CNNM2: variants seen among roughly 807,000 people sequenced by gnomAD.
CNNM2 encodes metal transporter CNNM2.
In CNNM2, 12 loss-of-function variants were observed where a neutral mutation model predicts 66.9. The observed-to-expected ratio is 0.18, with a 90% CI of 0.11 to 0.29. The LOEUF is 0.29. Ranked by LOEUF, CNNM2 falls within the 10% of genes least tolerant of loss-of-function variation. The probability of loss-of-function intolerance (pLI) is 1.00; values close to 1 mark genes in which losing one functional copy is unlikely to be tolerated. For missense variants in CNNM2, 705 were observed against 1,167.7 expected (o/e 0.60, Z 5.77); for synonymous variants, 557 against 501.8 (o/e 1.11, Z -1.47).
At chr10:102,949,539 T>C (rs1464661753) in intron 1 of CNNM2, among the ~76,000 whole-genome samples, 1 of 151,806 alleles carries the variant, frequency 6.6e-6, no homozygotes, top group Non-Finnish European at 1.5e-5. Context: ...ATTCTAGCAC[T>C]TTGGGAGGCC....
Position 103,089,150 on chromosome 10 carries a change from A to G in CNNM2, c.*11970A>G, listed in dbSNP as rs7916854. The G allele has an allele frequency of 0.012, 2,751 of 227,080 alleles. 69 individuals are homozygous for G. The highest frequency in any genetic ancestry group is 0.054 in the African/African-American group (2,444 of 45,146). 14.1% of individuals were successfully genotyped at this position (227,080 alleles called of 1,614,324 possible). On this transcript the variant is annotated 3_prime_UTR_variant, in exon 8 of 8. Coordinates refer to ENST00000369878, the MANE Select transcript of CNNM2 (RefSeq NM_017649.5). ...AGCAGCCTTGCCAGAGTCACTGAGG[A>G]TGAATTAAAGGCTTATAAAAGAAAA...
At chr10:102,976,624 T>TTTTTTTTTTTTTTTTTTTTTTTTTTTG (rs779405858) in intron 1 of CNNM2, among the ~76,000 whole-genome samples, 1 of 105,710 alleles carries the variant, frequency 9.5e-6, no homozygotes, top group Non-Finnish European at 2.0e-5. Context: ...TTTTTTTTTT[T>TTTTTTTTTTTTTTTTTTTTTTTTTTTG]TTTTTTTTTT....
chr10:102,989,177 G>T (rs1446709332), intron 1 of CNNM2, among the ~76,000 whole-genome samples: 1 of 152,152 alleles, frequency 6.6e-6, no homozygotes, highest in Admixed American at 6.5e-5. Flanking sequence ...ATTTAGATAA[G>T]CAAACTACTG....
chr10:102,945,915 C>T (rs1003405087), intron 1 of CNNM2, among the ~76,000 whole-genome samples: 14 of 151,554 alleles, frequency 9.2e-5, no homozygotes, highest in South Asian at 2.1e-4. Flanking sequence ...GGTGCTCAGT[C>T]GATATTTGCT....
rs1305677090 is a variant in CNNM2 at position 103,054,284 on chromosome 10, T to G, written c.1766-45T>G. The G allele has an allele frequency of 6.3e-7, 1 of 1,598,726 alleles. No homozygotes were observed. Among genetic ancestry groups the G allele is most frequent in the Non-Finnish European group, 8.5e-7 (1 of 1,171,898 alleles). ...TCATTCAAAAAGAGCCCTCATCTCA[T>G]GGGATGCATTTCTTTTTTTTTCTCT... On this transcript the variant is annotated intron_variant, in intron 2 of 7. Transcript: ENST00000369878. The surrounding 1 kb of genome is among the most constrained non-coding windows in gnomAD (Gnocchi z 5.2).
intron 6 of CNNM2, among the ~76,000 whole-genome samples, chr10:103,074,207 G>A (rs1050999230): frequency 2.6e-5 from 4 of 152,132 alleles, no homozygotes; most frequent in Non-Finnish European, 4.4e-5. Flanking sequence ...AGAATTGCTT[G>A]AACCTGGGAG....
chr10:103,085,309 T>C lies in CNNM2; in HGVS notation c.*8129T>C, dbSNP rs1037181845. 6.6e-6 allele frequency: 1 copy of C among 152,184 alleles called. No homozygotes were observed. The highest frequency in any genetic ancestry group is 2.4e-5 in the African/African-American group (1 of 41,438). The allele number at this position is 152,184 out of a possible 1,614,324, so 9.4% of individuals were successfully genotyped here. ...GTCCAAAAAGTGACTTGTTTAAAGA[T>C]ACCCACACACTCAAGTCAAAGATAA... On this transcript the variant is annotated 3_prime_UTR_variant, in exon 8 of 8. Coordinates refer to ENST00000369878, the MANE Select transcript of CNNM2 (RefSeq NM_017649.5).
chr10:103,029,282 C>T (rs1453012168), intron 1 of CNNM2, among the ~76,000 whole-genome samples: 3 of 144,312 alleles, frequency 2.1e-5, no homozygotes, highest in East Asian at 2.1e-4. Context: ...GCCAACATGG[C>T]GAAACCCCAT....
Position 103,079,612 on chromosome 10 carries a change from G to C in CNNM2, c.*2432G>C, listed in dbSNP as rs1486605433. 6.6e-6 allele frequency: 1 copy of C among 152,212 alleles called. No individual in the cohort carries two copies. The highest frequency in any genetic ancestry group is 2.4e-5 in the African/African-American group (1 of 41,444). The allele number at this position is 152,212 out of a possible 1,614,324, so 9.4% of individuals were successfully genotyped here. On this transcript the variant is annotated 3_prime_UTR_variant, in exon 8 of 8. Coordinates refer to ENST00000369878, the MANE Select transcript of CNNM2 (RefSeq NM_017649.5). ...TTCTTAATACTGTCTTACGTGCTCG[G>C]TGTGATGGCTTCTTGCAAATTATTC...
intron 1 of CNNM2, among the ~76,000 whole-genome samples, chr10:102,973,346 G>A (rs2063574689): frequency 6.6e-6 from 1 of 151,776 alleles, no homozygotes; most frequent in Non-Finnish European, 1.5e-5. Flanking sequence ...GTGCAATTAT[G>A]GCTCATTGGA....
intron 1 of CNNM2, among the ~76,000 whole-genome samples, chr10:102,972,330 T>C (rs941271209): frequency 6.6e-6 from 1 of 152,106 alleles, no homozygotes; most frequent in Non-Finnish European, 1.5e-5. Context: ...GTTTGTTTTG[T>C]TTTGGAGAGA....
Position 102,918,559 on chromosome 10 carries a change from A to G in CNNM2, c.79A>G (p.Met27Val). 6.3e-7 allele frequency: 1 copy of G among 1,590,976 alleles called. No homozygotes were observed. Among genetic ancestry groups the G allele is most frequent in the South Asian group, 1.1e-5 (1 of 88,512 alleles). Residue 27 changes from methionine (M) to valine (V), a missense_variant, in exon 1 of 8, where the codon ATG (methionine) becomes GTG (valine). Physicochemically the swap from Met to Val is conservative, Grantham distance 21. This residue lies in a region of CNNM2 where 98 missense variants were observed against 73.6 expected (regional missense o/e 1.33). Transcript: ENST00000369878. The surrounding 1 kb of genome is among the most constrained non-coding windows in gnomAD (Gnocchi z 4.1). The stretch of plus-strand genomic sequence containing the variant: ...AGCCGCCGCACTGCCCACTTGGAAG[A>G]TGGCGGCGCGCCGCAGCCTCAGCGC... ...QAAAALPTWK[M>V]AARRSLSARG...
intron 5 of CNNM2, among the ~76,000 whole-genome samples, chr10:103,070,813 C>T (rs2065566141): frequency 6.6e-6 from 1 of 152,142 alleles, no homozygotes; most frequent in Admixed American, 6.5e-5. Flanking sequence ...GCCTGTAGTC[C>T]TAGCTACTTG....
intron 1 of CNNM2, among the ~76,000 whole-genome samples, chr10:102,936,995 A>AT (rs1243155119): frequency 3.9e-5 from 6 of 152,044 alleles, no homozygotes; most frequent in African/African-American, 1.2e-4. Context: ...CATTTATGCC[A>AT]TTTTTTCCTC....
intron 1 of CNNM2, among the ~76,000 whole-genome samples, chr10:103,006,109 A>G (rs2064220997): frequency 6.6e-6 from 1 of 152,186 alleles, no homozygotes; most frequent in Non-Finnish European, 1.5e-5. Context: ...GCAGTTGAAT[A>G]GGAGTGATAG....
At chr10:102,927,207 G>A in intron 1 of CNNM2, 1 of 1,100,802 alleles carries the variant, frequency 9.1e-7, no homozygotes, top group Non-Finnish European at 1.3e-6. Flanking sequence ...ATATGTTATT[G>A]ACAGTAAACT....
chr10:102,992,427 C>T (rs538082410), intron 1 of CNNM2, among the ~76,000 whole-genome samples: 3 of 152,156 alleles, frequency 2.0e-5, no homozygotes, highest in African/African-American at 7.2e-5. Context: ...GCATCTGCCA[C>T]CAAGCCCTGC....
At position 102,935,770 on chromosome 10, in the gene CNNM2, C is replaced by G. The variant is rs533388337; in HGVS notation, c.1621+15669C>G. Among the ~76,000 whole-genome samples, 53 of 141,290 alleles carry G rather than the reference C, an allele frequency of 3.8e-4. 1 individual carries two copies. In the South Asian group the frequency reaches 9.3e-3, roughly 25 times the overall value. The allele number at this position is 141,290 out of a possible 152,430, so 92.7% of individuals were successfully genotyped here. On this transcript the variant is annotated intron_variant, in intron 1 of 7. Transcript: ENST00000369878. The stretch of plus-strand genomic sequence containing the variant: ...TGATCACAGGCACACTCCACTGCAC[C>G]TGGCTTTTTTTTTTTTTTTTTTTTT...
intron 1 of CNNM2, among the ~76,000 whole-genome samples, chr10:102,983,967 G>T (rs1273048991): frequency 6.6e-6 from 1 of 151,886 alleles, no homozygotes; most frequent in African/African-American, 2.4e-5. Flanking sequence ...GTTTGATCGG[G>T]CTGGTCTCGA....
Sources: gnomAD v4.1 joint callset for allele counts (sites outside exome capture counted in the v4.1 genomes callset) on GRCh38, gnomAD v4.1.1 for gene constraint, gnomAD v4.1.1 regional missense constraint, Gnocchi (gnomAD v3.1) non-coding constraint, MANE v1.5 for transcripts, NCBI Gene and HGNC (gene_info 2026-07-23, HGNC 2026-07-21) for gene names.